ARHGAP26: variants seen among roughly 807,000 people sequenced by gnomAD.
The protein encoded by ARHGAP26 is Rho GTPase activating protein 26.
In ARHGAP26, 38 loss-of-function variants were observed where a neutral mutation model predicts 104.8. The ratio of observed to expected loss-of-function variants is 0.36; its 90% CI spans 0.28 to 0.48. The LOEUF is 0.48. Among genes scored for constraint, ARHGAP26 ranks in the 20% least tolerant of loss-of-function variants. The pLI, the probability that ARHGAP26 is intolerant of heterozygous loss-of-function variation, is 0.99. For missense variants in ARHGAP26, 704 were observed against 947.9 expected (o/e 0.74, Z 3.38); for synonymous variants, 341 against 340.0 (o/e 1.00, Z -0.03).
Position 143,212,867 on chromosome 5 carries a change from C to T in ARHGAP26, c.2100-1130C>T, listed in dbSNP as rs10042753. On this transcript the variant is annotated intron_variant, in intron 21 of 22. Coordinates refer to ENST00000645722, the MANE Select transcript of ARHGAP26 (RefSeq NM_001135608.3). ...CTTTTTTAAAATACTGATGCCTGGC[C>T]GGGCGCGGTGGCTCACGCCTGTAAT... Among the ~76,000 whole-genome samples, 1,426 of 152,254 alleles carry T rather than the reference C, an allele frequency of 9.4e-3. 15 individuals are homozygous for T. The highest frequency in any genetic ancestry group is 0.032 in the African/African-American group (1,347 of 41,534).
chr5:143,099,069 G>A (rs1792844479), intron 17 of ARHGAP26, among the ~76,000 whole-genome samples: 1 of 152,116 alleles, frequency 6.6e-6, no homozygotes, highest in Admixed American at 6.5e-5. Context: ...ATGTTCTGTA[G>A]GGCAATAAAA....
At chr5:143,126,389 A>T (rs1796733688) in intron 18 of ARHGAP26, among the ~76,000 whole-genome samples, 1 of 152,244 alleles carries the variant, frequency 6.6e-6, no homozygotes, top group East Asian at 1.9e-4. Flanking sequence ...AAGGTTTTGA[A>T]CTGACTTCTG....
chr5:142,803,792 T>C (rs556272604), intron 1 of ARHGAP26, among the ~76,000 whole-genome samples: 43 of 152,256 alleles, frequency 2.8e-4, no homozygotes, highest in South Asian at 6.2e-4. Context: ...AGTCCAGCAG[T>C]GAACATCCCA....
chr5:143,040,831 A>G (rs1217761311), intron 13 of ARHGAP26, among the ~76,000 whole-genome samples: 1 of 152,240 alleles, frequency 6.6e-6, no homozygotes, highest in Non-Finnish European at 1.5e-5. Context: ...AGCAGAATGC[A>G]TGTGGTCAAT....
chr5:143,197,784 C>T (rs1807092979), intron 20 of ARHGAP26, among the ~76,000 whole-genome samples: 2 of 152,070 alleles, frequency 1.3e-5, no homozygotes, highest in African/African-American at 4.8e-5. Context: ...GTCTATAATC[C>T]ATCTGGAACA....
chr5:142,803,256 T>C (rs1405839876), intron 1 of ARHGAP26, among the ~76,000 whole-genome samples: 1 of 152,204 alleles, frequency 6.6e-6, no homozygotes, highest in Non-Finnish European at 1.5e-5. Context: ...ATTTTCAGAA[T>C]AAATATGTCC....
chr5:142,876,804 G>T (rs1756182849), intron 3 of ARHGAP26, among the ~76,000 whole-genome samples: 1 of 138,988 alleles, frequency 7.2e-6, no homozygotes, highest in Non-Finnish European at 1.5e-5. Flanking sequence ...AAAAAAAAAG[G>T]ATTTCTTTAA....
At chr5:143,153,374 T>A (rs1343621315) in intron 20 of ARHGAP26, among the ~76,000 whole-genome samples, 1 of 152,198 alleles carries the variant, frequency 6.6e-6, no homozygotes, top group Admixed American at 6.5e-5. Flanking sequence ...GAAATGGGGC[T>A]GATCCACCTC....
At chr5:143,148,070 A>G (rs1799370759) in intron 20 of ARHGAP26, among the ~76,000 whole-genome samples, 1 of 151,984 alleles carries the variant, frequency 6.6e-6, no homozygotes, top group African/African-American at 2.4e-5. Context: ...TCCTTAGACT[A>G]CCCCATAAAT....
intron 11 of ARHGAP26, among the ~76,000 whole-genome samples, chr5:142,943,611 T>C (rs573243242): frequency 3.3e-4 from 51 of 152,326 alleles, no homozygotes; most frequent in Middle Eastern, 3.4e-3. Context: ...ATGAAATTTT[T>C]TGGGGGAAGG....
At position 143,057,922 on chromosome 5, in the gene ARHGAP26, G is replaced by A. The variant is rs982952978; in HGVS notation, c.1538+175G>A. 8.4e-6 allele frequency: 6 copies of A among 713,162 alleles called. No homozygotes were observed. In the African/African-American group the frequency reaches 1.1e-4, roughly 12 times the overall value. 44.2% of individuals were successfully genotyped at this position (713,162 alleles called of 1,614,324 possible). A position where few individuals can be genotyped will look rare whatever the true frequency, so the allele number is the denominator to read the frequency against. ...ATTGCAGTGGAGAACAGCAGCAAAT[G>A]CCAGATGGCCTTCCCAGAGGATGCT... On this transcript the variant is annotated intron_variant, in intron 17 of 22. Coordinates refer to ENST00000645722, the MANE Select transcript of ARHGAP26 (RefSeq NM_001135608.3).
intron 1 of ARHGAP26, among the ~76,000 whole-genome samples, chr5:142,820,598 ACAGCAGGGG>A (rs1765963958): frequency 6.6e-6 from 1 of 152,184 alleles, no homozygotes; most frequent in Non-Finnish European, 1.5e-5. Flanking sequence ...TGGTTCTCAA[ACAGCAGGGG>A]TGTATCTGTG....
intron 5 of ARHGAP26, among the ~76,000 whole-genome samples, chr5:142,887,333 A>G (rs543450904): frequency 2.0e-5 from 3 of 152,292 alleles, no homozygotes; most frequent in Non-Finnish European, 4.4e-5. Flanking sequence ...AGGGCAAATT[A>G]CTTAGATTCT....
intron 11 of ARHGAP26, among the ~76,000 whole-genome samples, chr5:142,982,642 T>C (rs528847268): frequency 6.6e-6 from 1 of 152,358 alleles, no homozygotes; most frequent in African/African-American, 2.4e-5. Context: ...ATCTGCCCAG[T>C]GACTGATCTT....
chr5:142,981,940 C>T (rs1208532773), intron 11 of ARHGAP26, among the ~76,000 whole-genome samples: 1 of 152,236 alleles, frequency 6.6e-6, no homozygotes, highest in African/African-American at 2.4e-5. Flanking sequence ...AATTTATTGA[C>T]ATAGAAGAGG....
intron 1 of ARHGAP26, among the ~76,000 whole-genome samples, chr5:142,789,515 C>G (rs570861705): frequency 5.3e-5 from 8 of 152,234 alleles, no homozygotes; most frequent in African/African-American, 1.7e-4. Flanking sequence ...CACATGAGAG[C>G]CCCTCCCATC....
At chr5:142,941,027 A>G (rs914863971) in intron 11 of ARHGAP26, among the ~76,000 whole-genome samples, 1 of 137,350 alleles carries the variant, frequency 7.3e-6, no homozygotes, top group East Asian at 2.4e-4. Flanking sequence ...GTGAGCCGAG[A>G]TCATGCCACT....
intron 11 of ARHGAP26, among the ~76,000 whole-genome samples, chr5:142,967,559 A>C (rs1771587007): frequency 6.6e-6 from 1 of 152,216 alleles, no homozygotes; most frequent in African/African-American, 2.4e-5. Context: ...AGGCAGGTGG[A>C]TCACGAGGTC....
At chr5:143,204,802 T>A (rs902662484) in intron 20 of ARHGAP26, among the ~76,000 whole-genome samples, 5 of 151,760 alleles carry the variant, frequency 3.3e-5, no homozygotes, top group African/African-American at 1.2e-4. Flanking sequence ...CTTATTAAAG[T>A]CATTTAAAAA....
Sources: gnomAD v4.1 joint callset for allele counts (sites outside exome capture counted in the v4.1 genomes callset) on GRCh38, gnomAD v4.1.1 for gene constraint, MANE v1.5 for transcripts, NCBI Gene and HGNC (gene_info 2026-07-23, HGNC 2026-07-21) for gene names.